The following SYNPO2 variants were observed in gnomAD, a reference collection of about 807,000 sequenced individuals.
The protein encoded by SYNPO2 is synaptopodin-2.
A neutral mutation model predicts 85.0 loss-of-function variants in SYNPO2; 56 were observed. The ratio of observed to expected loss-of-function variants is 0.66; its 90% CI spans 0.53 to 0.82. The LOEUF is 0.82. SYNPO2 is among the 40% of genes least tolerant of loss of function. The pLI is 0.00. For missense variants in SYNPO2, 1,575 were observed against 1,534.2 expected, an observed-to-expected ratio of 1.03 and a Z score of -0.44; for synonymous variants, 602 against 591.1, an observed-to-expected ratio of 1.02 and a Z score of -0.27.
chr4:118,912,947 G>C (rs1733190013), intron 1 of SYNPO2, among the ~76,000 whole-genome samples: 1 of 152,110 alleles, frequency 6.6e-6, no homozygotes, highest in Non-Finnish European at 1.5e-5. Flanking sequence ...TTTCCAAGTT[G>C]GGTCTATGAC....
chr4:118,919,582 AC>A (rs1030947603), intron 1 of SYNPO2, among the ~76,000 whole-genome samples: 13 of 152,162 alleles, frequency 8.5e-5, no homozygotes, highest in Non-Finnish European at 1.3e-4. Flanking sequence ...CAAATATGTG[AC>A]CCAATTAGTG....
chr4:119,037,559 C>A, intron 4 of SYNPO2: 1 of 990,350 alleles, frequency 1.0e-6, no homozygotes. Flanking sequence ...CAAAATCAAG[C>A]ATTTTGGTTC....
chr4:119,015,209 C>T (rs1462042482), intron 1 of SYNPO2, among the ~76,000 whole-genome samples: 2 of 152,126 alleles, frequency 1.3e-5, no homozygotes, highest in Admixed American at 6.6e-5. Flanking sequence ...ATGCTTTGCT[C>T]GAAATCACAT....
intron 1 of SYNPO2, among the ~76,000 whole-genome samples, chr4:118,902,462 C>T (rs1297985814): frequency 6.6e-6 from 1 of 152,146 alleles, no homozygotes; most frequent in Non-Finnish European, 1.5e-5. Flanking sequence ...GGGGTTTCCC[C>T]TTATAAAACC....
At chr4:119,015,242 A>T (rs1308754655) in intron 1 of SYNPO2, among the ~76,000 whole-genome samples, 1 of 152,240 alleles carries the variant, frequency 6.6e-6, no homozygotes, top group Non-Finnish European at 1.5e-5. Context: ...GAATTAAGGC[A>T]AGATCGCCAG....
intron 1 of SYNPO2, among the ~76,000 whole-genome samples, chr4:118,891,745 G>T (rs1323379459): frequency 6.6e-6 from 1 of 152,224 alleles, no homozygotes; most frequent in Non-Finnish European, 1.5e-5. Flanking sequence ...CAAGGAAAGA[G>T]ACAGAAAGGC....
intron 4 of SYNPO2, chr4:119,032,794 A>G: frequency 1.2e-6 from 1 of 865,640 alleles, no homozygotes; most frequent in Non-Finnish European, 1.4e-6. Flanking sequence ...CTGAGGTAGG[A>G]GGACTGCTTG....
In SYNPO2 at chr4:118,869,126, C is replaced by T. The variant is rs75762072; in HGVS notation, c.12+18186C>T. On this transcript the variant is annotated intron_variant, in intron 1 of 4. Transcript: ENST00000610556. ...TGTTGCCCAGGCTGGAGTGCAATGG[C>T]GCTCACGGCAACCTCCACCTCCCAG... Among the ~76,000 whole-genome samples, 1,199 of 152,198 alleles carry T rather than the reference C, an allele frequency of 7.9e-3. 14 individuals are homozygous for T. Among genetic ancestry groups the T allele is most frequent in the African/African-American group, 0.027 (1,121 of 41,520 alleles).
chr4:118,933,905 T>C (rs546214333), intron 1 of SYNPO2, among the ~76,000 whole-genome samples: 69 of 142,086 alleles, frequency 4.9e-4, no homozygotes, highest in African/African-American at 1.8e-3. Context: ...GGATGAAAAG[T>C]TTCTATAAAA....
intron 1 of SYNPO2, among the ~76,000 whole-genome samples, chr4:118,950,158 C>T (rs1006766488): frequency 2.0e-5 from 3 of 152,132 alleles, no homozygotes; most frequent in African/African-American, 7.2e-5. Context: ...ATCATCATTT[C>T]ATTAATTTGT....
intron 1 of SYNPO2, among the ~76,000 whole-genome samples, chr4:118,935,757 A>G (rs1326525559): frequency 1.3e-5 from 2 of 152,274 alleles, no homozygotes; most frequent in African/African-American, 2.4e-5. Context: ...ACATATTAAT[A>G]TCTTGTACAC....
intron 1 of SYNPO2, among the ~76,000 whole-genome samples, chr4:118,973,692 CA>C (rs1735621478): frequency 6.6e-6 from 1 of 152,152 alleles, no homozygotes; most frequent in African/African-American, 2.4e-5. Flanking sequence ...TCCCTCCCCA[CA>C]AAAGAACCCA....
At chr4:118,921,824 T>C (rs1733550746) in intron 1 of SYNPO2, among the ~76,000 whole-genome samples, 1 of 151,752 alleles carries the variant, frequency 6.6e-6, no homozygotes, top group African/African-American at 2.4e-5. Context: ...TGACATCTTG[T>C]TTTCATTCTT....
chr4:119,038,285 C>T (rs757099943), intron 4 of SYNPO2: 54 of 984,970 alleles, frequency 5.5e-5, no homozygotes, highest in Non-Finnish European at 9.6e-6. Flanking sequence ...ACTCCATTTC[C>T]CAAGATGGCT....
intron 1 of SYNPO2, among the ~76,000 whole-genome samples, chr4:118,861,842 T>C (rs1390735714): frequency 6.6e-6 from 1 of 152,216 alleles, no homozygotes; most frequent in African/African-American, 2.4e-5. Context: ...TGTGGTTCCA[T>C]ATAAATTTTA....
At chr4:119,019,764 T>G (rs1377188200) in intron 1 of SYNPO2, among the ~76,000 whole-genome samples, 1 of 152,184 alleles carries the variant, frequency 6.6e-6, no homozygotes, top group Non-Finnish European at 1.5e-5. Flanking sequence ...AGACAGGTAG[T>G]AAGCATAGGA....
chr4:118,870,587 G>C (rs1477684806), intron 1 of SYNPO2, among the ~76,000 whole-genome samples: 4 of 152,226 alleles, frequency 2.6e-5, no homozygotes, highest in South Asian at 2.1e-4. Context: ...GGCATTTCTG[G>C]CTCTAGATCT....
At chr4:118,973,124 G>GA (rs1032868311) in intron 1 of SYNPO2, among the ~76,000 whole-genome samples, 13 of 152,130 alleles carry the variant, frequency 8.5e-5, no homozygotes, top group African/African-American at 2.7e-4. Context: ...TCTGTAGAGT[G>GA]AAAAACGTTT....
intron 1 of SYNPO2, among the ~76,000 whole-genome samples, chr4:118,896,836 G>C (rs370120971): frequency 1.3e-5 from 2 of 152,110 alleles, no homozygotes; most frequent in Non-Finnish European, 2.9e-5. Flanking sequence ...ATGAAAAATT[G>C]TGTCTCTAGA....
Sources: allele counts gnomAD v4.1 joint callset (sites outside exome capture counted in the v4.1 genomes callset), GRCh38; gene constraint gnomAD v4.1.1; transcripts MANE v1.5; gene names NCBI Gene and HGNC (gene_info 2026-07-23, HGNC 2026-07-21).